Variants in ZNHIT6 observed in about 807,000 individuals in gnomAD.
The protein encoded by ZNHIT6 is zinc finger HIT-type containing 6, also known as box C/D snoRNA protein 1.
A neutral mutation model predicts 57.2 loss-of-function variants in ZNHIT6; 45 were observed. The ratio of observed to expected loss-of-function variants is 0.79; its 90% CI spans 0.62 to 1.01. ZNHIT6 has a LOEUF of 1.01. Among genes scored for constraint, ZNHIT6 ranks in the 50% least tolerant of loss-of-function variants. The pLI is 0.00. For synonymous variants in ZNHIT6, 188 were observed against 190.0 expected, an observed-to-expected ratio of 0.99 and a Z score of 0.09; for missense variants, 528 against 567.3, an observed-to-expected ratio of 0.93 and a Z score of 0.70.
chr1:85,669,098 T>C lies in ZNHIT6; in HGVS notation c.1247+8138A>G, dbSNP rs116810054. On this transcript the variant is annotated intron_variant, in intron 8 of 9. Coordinates refer to ENST00000370574, the MANE Select transcript of ZNHIT6 (RefSeq NM_017953.4). The stretch of plus-strand genomic sequence containing the variant: ...CAACAACTGCCCTAGACTATTATTA[T>C]GGATACTGAAATCTGAGAAGCATTG... 2.9e-3 allele frequency among the ~76,000 whole-genome samples: 448 copies of C among 152,286 alleles called. 1 individual carries two copies. The highest frequency in any genetic ancestry group is 5.1e-3 in the Non-Finnish European group (344 of 68,014).
intron 9 of ZNHIT6, among the ~76,000 whole-genome samples, chr1:85,655,064 C>T (rs551010108): frequency 3.3e-5 from 5 of 152,218 alleles, no homozygotes; most frequent in Admixed American, 1.3e-4. Flanking sequence ...GTTTACTGAG[C>T]CCTTTCTAAG....
In ZNHIT6 at chr1:85,652,059, T is replaced by C. The variant is rs758837572; in HGVS notation, c.*1999A>G. The C allele has an allele frequency of 6.6e-6, 1 of 152,208 alleles. No individual in the cohort carries two copies. Among genetic ancestry groups the C allele is most frequent in the Non-Finnish European group, 1.5e-5 (1 of 68,028 alleles). 9.4% of individuals were successfully genotyped at this position (152,208 alleles called of 1,614,324 possible). ...GATGGCAAAGATGCATTAGATAATATAGATTTCTTTTTTTCCTCCTGAGCA... is the reference window on the plus strand; with the variant it reads ...GATGGCAAAGATGCATTAGATAATACAGATTTCTTTTTTTCCTCCTGAGCA... On this transcript the variant is annotated 3_prime_UTR_variant, in exon 10 of 10. Transcript: ENST00000370574.
intron 5 of ZNHIT6, among the ~76,000 whole-genome samples, chr1:85,689,160 A>T (rs535244759): frequency 6.6e-6 from 1 of 152,214 alleles, no homozygotes; most frequent in Non-Finnish European, 1.5e-5. Flanking sequence ...AATTTGTTCT[A>T]CTGTCAGCTA....
In ZNHIT6 at chr1:85,690,397, CT is replaced by C. The variant is rs368895641; in HGVS notation, c.1020-9494del. Among the ~76,000 whole-genome samples, 150 of 152,342 alleles carry C rather than the reference CT, an allele frequency of 9.8e-4. 2 individuals are homozygous for C. Among genetic ancestry groups the C allele is most frequent in the African/African-American group, 3.5e-3 (145 of 41,588 alleles). On this transcript the variant is annotated intron_variant, in intron 5 of 9. Transcript: ENST00000370574. ...CTGATATTCTCACCACCAGAACCAT[CT>C]TTCCCTCTGTCTAGATAAAAACCTA...
intron 8 of ZNHIT6, among the ~76,000 whole-genome samples, chr1:85,671,274 T>C (rs1375100045): frequency 6.6e-6 from 1 of 152,152 alleles, no homozygotes; most frequent in African/African-American, 2.4e-5. Context: ...GTATAGCTAA[T>C]ATTACATTTG....
rs184870252 is a variant in ZNHIT6 at position 85,678,561 on chromosome 1, C to T, written c.1169+140G>A. 287 of 584,578 alleles carry T rather than the reference C, an allele frequency of 4.9e-4. 9 individuals carry two copies. In the Admixed American group the frequency reaches 0.011, roughly 22 times the overall value. The allele number at this position is 584,578 out of a possible 1,614,324, so 36.2% of individuals were successfully genotyped here. Reference sequence around the variant, plus strand: ...AATGAATGTCAGCTATTTCTACAGACAGACCTTCAGTAAACACCAAGAAAA... The same window carrying T: ...AATGAATGTCAGCTATTTCTACAGATAGACCTTCAGTAAACACCAAGAAAA... On this transcript the variant is annotated intron_variant, in intron 7 of 9. Transcript: ENST00000370574.
At chr1:85,670,033 A>G (rs941215131) in intron 8 of ZNHIT6, among the ~76,000 whole-genome samples, 1 of 152,158 alleles carries the variant, frequency 6.6e-6, no homozygotes, top group Non-Finnish European at 1.5e-5. Flanking sequence ...CACTTTCTGA[A>G]GTAACTTTTA....
intron 5 of ZNHIT6, among the ~76,000 whole-genome samples, chr1:85,695,934 A>G (rs189440492): frequency 3.9e-5 from 6 of 152,242 alleles, no homozygotes; most frequent in Admixed American, 2.0e-4. Context: ...TACTCGGGAG[A>G]CTGAGGCAGG....
Position 85,657,972 on chromosome 1 carries a change from C to A in ZNHIT6, c.1248-1G>T. The stretch of plus-strand genomic sequence containing the variant: ...TTTATAAGGATCTAGTTCATAATAT[C>A]TTATTAATAAAAAAAAACAAAAAAC... On this transcript the variant is annotated splice_acceptor_variant, in intron 8 of 9. Coordinates refer to ENST00000370574, the MANE Select transcript of ZNHIT6 (RefSeq NM_017953.4). LOFTEE classifies it high-confidence loss of function. The A allele has an allele frequency of 6.9e-7, 1 of 1,448,540 alleles. No homozygotes were observed. Among genetic ancestry groups the A allele is most frequent in the East Asian group, 2.3e-5 (1 of 42,644 alleles). 89.7% of individuals were successfully genotyped at this position (1,448,540 alleles called of 1,614,324 possible).
intron 6 of ZNHIT6, among the ~76,000 whole-genome samples, chr1:85,680,559 C>T (rs1661844704): frequency 6.6e-6 from 1 of 152,138 alleles, no homozygotes. Context: ...TAGGTATTCC[C>T]AAAAGTACAC....
At chr1:85,656,020 T>C (rs1444623040) in intron 9 of ZNHIT6, among the ~76,000 whole-genome samples, 2 of 152,120 alleles carry the variant, frequency 1.3e-5, no homozygotes, top group Non-Finnish European at 1.5e-5. Context: ...TCCAACTTTT[T>C]TACCTCCAGA....
At chr1:85,691,069 A>C (rs1200494752) in intron 5 of ZNHIT6, among the ~76,000 whole-genome samples, 1 of 152,152 alleles carries the variant, frequency 6.6e-6, no homozygotes, top group African/African-American at 2.4e-5. Flanking sequence ...TCTATTCTGC[A>C]TTTTGAAATT....
In ZNHIT6 at chr1:85,708,427, C is replaced by T. The variant is rs537515489; in HGVS notation, c.-143G>A. 2.8e-5 allele frequency: 29 copies of T among 1,030,702 alleles called. No homozygotes were observed. The highest frequency in any genetic ancestry group is 3.9e-5 in the Non-Finnish European group (28 of 726,018). The allele number at this position is 1,030,702 out of a possible 1,614,324, so 63.8% of individuals were successfully genotyped here. ...CACAAACCCGGAATAGCCTGCTTGA[C>T]GCGACTGCTCGAATCGCCGTAAAGC... On this transcript the variant is annotated 5_prime_UTR_variant, in exon 1 of 10. Coordinates refer to ENST00000370574, the MANE Select transcript of ZNHIT6 (RefSeq NM_017953.4).
chr1:85,665,758 TCA>T (rs921776061), intron 8 of ZNHIT6, among the ~76,000 whole-genome samples: 1 of 152,230 alleles, frequency 6.6e-6, no homozygotes, highest in African/African-American at 2.4e-5. Context: ...TCTTACATCT[TCA>T]GTCTTTATTA....
At chr1:85,688,632 T>C (rs1330773324) in intron 5 of ZNHIT6, among the ~76,000 whole-genome samples, 2 of 152,174 alleles carry the variant, frequency 1.3e-5, no homozygotes, top group Admixed American at 6.6e-5. Context: ...GGGGTGTACA[T>C]TATGACTTAA....
At chr1:85,680,751 A>G in intron 6 of ZNHIT6, 85 bp downstream of exon 6, 1 of 1,003,732 alleles carries the variant, frequency 1.0e-6, no homozygotes, top group Non-Finnish European at 1.5e-6. Flanking sequence ...TATCCATTCT[A>G]CTACTGACAT....
intron 5 of ZNHIT6, among the ~76,000 whole-genome samples, chr1:85,699,403 C>T (rs1028293332): frequency 6.6e-6 from 1 of 152,086 alleles, no homozygotes; most frequent in African/African-American, 2.4e-5. Flanking sequence ...TAGAACTATA[C>T]ATTCAATAAG....
chr1:85,697,036 ATTTT>A (rs67423915), intron 5 of ZNHIT6, among the ~76,000 whole-genome samples: 105,336 of 146,254 alleles, frequency 0.72, 40,078 homozygotes, highest in East Asian at 0.92. Context: ...AATTTTTCGT[ATTTT>A]TTTTTTTTTT....
chr1:85,692,257 A>C (rs1032597208), intron 5 of ZNHIT6, among the ~76,000 whole-genome samples: 3 of 152,160 alleles, frequency 2.0e-5, no homozygotes, highest in Non-Finnish European at 2.9e-5. Flanking sequence ...GGCTTCCTTA[A>C]CTGAATCAGT....
Sources: gnomAD v4.1 joint callset for allele counts (sites outside exome capture counted in the v4.1 genomes callset) on GRCh38, gnomAD v4.1.1 for gene constraint, MANE v1.5 for transcripts, NCBI Gene and HGNC (gene_info 2026-07-23, HGNC 2026-07-21) for gene names.